SYT10: variants seen among roughly 807,000 people sequenced by gnomAD.
SYT10 encodes the protein synaptotagmin 10, also known as synaptotagmin-10.
In SYT10, 31 loss-of-function variants were observed where a neutral mutation model predicts 51.1. That is an observed-to-expected ratio of 0.61 (90% CI 0.46 to 0.82). SYT10 has a LOEUF of 0.82. SYT10 is among the 40% of genes least tolerant of loss of function. SYT10 has a pLI of 0.00. For missense variants in SYT10, 603 were observed against 634.0 expected (o/e 0.95, Z 0.53); for synonymous variants, 233 against 225.9 (o/e 1.03, Z -0.28).
At chr12:33,388,539 A>G (rs544840992) in intron 3 of SYT10, among the ~76,000 whole-genome samples, 2 of 152,326 alleles carry the variant, frequency 1.3e-5, no homozygotes, top group Admixed American at 1.3e-4. Flanking sequence ...CCTGTTATAA[A>G]GTCTAGGATG....
chr12:33,426,433 A>G lies in SYT10; in HGVS notation c.214T>C (p.Ser72Pro). Residue 72 changes from serine to proline, a missense_variant, in exon 2 of 7, where the codon TCA becomes CCA. Coordinates refer to ENST00000228567, the MANE Select transcript of SYT10 (RefSeq NM_198992.4). ...CACAGCTTCCAGAAGACAAAAAGTG[A>G]GACAACCAACAAGGCCAGTCCACAA... ...SFCGLALLVV[S>P]LFVFWKLCWP... The G allele has an allele frequency of 6.2e-7, 1 of 1,613,684 alleles. No homozygotes were observed. The highest frequency in any genetic ancestry group is 1.1e-5 in the South Asian group (1 of 90,938).
At chr12:33,397,480 A>G (rs1274552220) in intron 3 of SYT10, among the ~76,000 whole-genome samples, 2 of 152,170 alleles carry the variant, frequency 1.3e-5, no homozygotes, top group Admixed American at 6.5e-5. Flanking sequence ...AGGGGAAGAG[A>G]GCAATGGACA....
intron 6 of SYT10, among the ~76,000 whole-genome samples, chr12:33,378,791 G>T (rs1427870465): frequency 2.6e-5 from 4 of 151,542 alleles, no homozygotes; most frequent in Admixed American, 2.0e-4. Flanking sequence ...AGTTCTAGGG[G>T]AAAACACCAA....
chr12:33,380,031 T>C lies in SYT10; in HGVS notation c.1371-70A>G, dbSNP rs193195264. 90 of 1,496,646 alleles carry C rather than the reference T, an allele frequency of 6.0e-5. No individual in the cohort carries two copies. The African/African-American group carries it at 1.1e-3, about 19-fold the overall frequency. 92.7% of individuals were successfully genotyped at this position (1,496,646 alleles called of 1,614,324 possible). A position where few individuals can be genotyped will look rare whatever the true frequency, so the allele number is the denominator to read the frequency against. On this transcript the variant is annotated intron_variant, in intron 5 of 6. Transcript: ENST00000228567. ...ATAAAGGGGGTTTCACAAATCGTAG[T>C]AGAATTTTAAAAATATGATTAAAAC...
At chr12:33,379,549 CAAAAAAAAAAAAAAAA>C (rs71068377) in intron 6 of SYT10, among the ~76,000 whole-genome samples, 2 of 22,064 alleles carry the variant, frequency 9.1e-5, no homozygotes, top group South Asian at 2.9e-3. Context: ...TCAGGCTATG[CAAAAAAAAAAAAAAAA>C]AAAAAAAAAA....
At chr12:33,418,607 G>T (rs1428647240) in intron 2 of SYT10, among the ~76,000 whole-genome samples, 4 of 152,108 alleles carry the variant, frequency 2.6e-5, no homozygotes, top group African/African-American at 9.7e-5. Context: ...GTCTCAACTT[G>T]ATTTTCCCAG....
chr12:33,417,049 A>T (rs1379501115), intron 2 of SYT10, among the ~76,000 whole-genome samples: 1 of 152,136 alleles, frequency 6.6e-6, no homozygotes, highest in Non-Finnish European at 1.5e-5. Context: ...GTAAAATGGG[A>T]AGTAAGGTAA....
intron 1 of SYT10, among the ~76,000 whole-genome samples, chr12:33,437,168 T>G (rs1211011302): frequency 6.6e-6 from 1 of 152,254 alleles, no homozygotes; most frequent in Non-Finnish European, 1.5e-5. Context: ...GAAAAACGTA[T>G]AGCAATCTTG....
chr12:33,394,005 G>T (rs1565492662), intron 3 of SYT10, among the ~76,000 whole-genome samples: 1 of 152,156 alleles, frequency 6.6e-6, no homozygotes, highest in Non-Finnish European at 1.5e-5. Flanking sequence ...ATAAAAGTTT[G>T]CTGGGTTGAT....
Position 33,417,493 on chromosome 12 carries a change from ATAAAT to A in SYT10, c.509+8640_509+8644del, listed in dbSNP as rs1262117392. ...TTCAAAGCTTTTCTAACTGTAAGAAATAAATTCATTTTCTTTATAAATGATCCAGC... is the reference window on the plus strand; with the variant it reads ...TTCAAAGCTTTTCTAACTGTAAGAAATCATTTTCTTTATAAATGATCCAGC... On this transcript the variant is annotated intron_variant, in intron 2 of 6. Coordinates refer to ENST00000228567, the MANE Select transcript of SYT10 (RefSeq NM_198992.4). 4.6e-5 allele frequency among the ~76,000 whole-genome samples: 7 copies of A among 152,338 alleles called. No homozygotes were observed. In the East Asian group the frequency reaches 1.2e-3, roughly 25 times the overall value.
At chr12:33,414,159 T>C (rs1264046043) in intron 2 of SYT10, among the ~76,000 whole-genome samples, 7 of 152,096 alleles carry the variant, frequency 4.6e-5, no homozygotes, top group East Asian at 1.9e-4. Context: ...ATGCACCCAA[T>C]ACAGGAGCAC....
At position 33,426,268 on chromosome 12, in the gene SYT10, T is replaced by C. The variant is rs1339924510; in HGVS notation, c.379A>G (p.Ile127Val). 2 of 1,614,208 alleles carry C rather than the reference T, an allele frequency of 1.2e-6. No homozygotes were observed. Among genetic ancestry groups the C allele is most frequent in the South Asian group, 2.2e-5 (2 of 91,086 alleles). The change falls in exon 2 of 7, where the codon ATT becomes GTT. Residue 127 changes from isoleucine to valine, a missense_variant. By Grantham distance (29) the Ile-to-Val change is conservative. Transcript: ENST00000228567. ...KENEKPAVKA[I>V]EPAIKISHTS... ...TGGCTGATTTTTATTGCAGGCTCAA[T>C]AGCTTTTACGGCTGGCTTTTCATTT...
At chr12:33,423,058 T>A in intron 2 of SYT10, among the ~76,000 whole-genome samples, 1 of 152,110 alleles carries the variant, frequency 6.6e-6, no homozygotes, top group Non-Finnish European at 1.5e-5. Flanking sequence ...GCTGGGTTGT[T>A]TGGTTGCCTG....
rs1242285420 is a variant in SYT10 at position 33,439,405 on chromosome 12, G to T, written c.118C>A (p.Arg40=). ...EWEKCSGIFP[R]DRGSQGGSST... ...CTTCCGCCCTGGCTGCCCCTGTCCCGAGGGAAGATGCCCGAGCACTTCTCC... is the reference window on the plus strand; with the variant it reads ...CTTCCGCCCTGGCTGCCCCTGTCCCTAGGGAAGATGCCCGAGCACTTCTCC... Residue 40 remains arginine (R), a synonymous_variant, in exon 1 of 7, where the codon CGG becomes AGG. Transcript: ENST00000228567. 2.5e-6 allele frequency: 4 copies of T among 1,614,082 alleles called. No individual in the cohort carries two copies. The highest frequency in any genetic ancestry group is 1.3e-5 in the African/African-American group (1 of 75,044).
At chr12:33,422,750 T>C (rs1233644706) in intron 2 of SYT10, among the ~76,000 whole-genome samples, 2 of 152,080 alleles carry the variant, frequency 1.3e-5, no homozygotes, top group African/African-American at 4.8e-5. Context: ...CTCGGCTTAA[T>C]GGCTCTTCTC....
At position 33,393,256 on chromosome 12, in the gene SYT10, C is replaced by CA. The variant is rs559240916; in HGVS notation, c.1078-7966dup. 4.4e-4 allele frequency among the ~76,000 whole-genome samples: 67 copies of CA among 151,988 alleles called. No homozygotes were observed. The South Asian group carries it at 0.013, about 29-fold the overall frequency. ...ACTGAGACAAGTGCAACTTGAGACA[C>CA]AAAAAAAGGATACAAATTTCATAAC... is the stretch of plus-strand genomic sequence containing the variant. On this transcript the variant is annotated intron_variant, in intron 3 of 6. Transcript: ENST00000228567.
In SYT10 at chr12:33,439,745, C is replaced by CGG. The variant is rs1866670015; in HGVS notation, c.-224_-223insCC. ...GAGGCGCGCGAGGAGGCTGCGGCTG[C>CGG]CGCGAGGTTTGCGCCAACTCTCCCG... On this transcript the variant is annotated 5_prime_UTR_variant, in exon 1 of 7. Transcript: ENST00000228567. 8 of 555,752 alleles carry CGG rather than the reference C, an allele frequency of 1.4e-5. No homozygotes were observed. Among genetic ancestry groups the CGG allele is most frequent in the South Asian group, 5.0e-5 (2 of 39,946 alleles). The allele number at this position is 555,752 out of a possible 1,614,324, so 34.4% of individuals were successfully genotyped here.
Position 33,375,209 on chromosome 12 carries a change from CTG to C in SYT10, c.*1619_*1620del, listed in dbSNP as rs1752406940. 1 of 151,952 alleles carries C rather than the reference CTG, an allele frequency of 6.6e-6. No homozygotes were observed. The highest frequency in any genetic ancestry group is 6.6e-5 in the Admixed American group (1 of 15,250). 9.4% of individuals were successfully genotyped at this position (151,952 alleles called of 1,614,324 possible). On this transcript the variant is annotated 3_prime_UTR_variant, in exon 7 of 7. Transcript: ENST00000228567. ...CATTTTTGAAAAATCTGAGGCAGAACTGTGTTTGCCTTTAAAATGGTAATGTG... is the reference window on the plus strand; with the variant it reads ...CATTTTTGAAAAATCTGAGGCAGAACTGTTTGCCTTTAAAATGGTAATGTG...
intron 3 of SYT10, among the ~76,000 whole-genome samples, chr12:33,396,643 C>T (rs1214569590): frequency 6.6e-6 from 1 of 151,622 alleles, no homozygotes; most frequent in African/African-American, 2.4e-5. Context: ...TCTTAAGAGG[C>T]AGAAATTCTT....
Sources: gnomAD v4.1 joint callset for allele counts (sites outside exome capture counted in the v4.1 genomes callset) on GRCh38, gnomAD v4.1.1 for gene constraint, MANE v1.5 for transcripts, NCBI Gene and HGNC (gene_info 2026-07-23, HGNC 2026-07-21) for gene names.